MYH4: variants seen among roughly 807,000 people sequenced by gnomAD.
MYH4 encodes the protein myosin heavy chain 4, also known as myosin-4.
MYH4 carries 200 observed loss-of-function variants against 229.9 expected under a neutral mutation model. The observed-to-expected ratio is 0.87, with a 90% CI of 0.78 to 0.98. MYH4 has a LOEUF of 0.98. Among genes scored for constraint, MYH4 ranks in the 50% least tolerant of loss-of-function variants. The probability of loss-of-function intolerance (pLI) is 0.00; values close to 1 mark genes in which losing one functional copy is unlikely to be tolerated. For missense variants in MYH4, 2,148 were observed against 2,332.6 expected (o/e 0.92, Z 1.63); for synonymous variants, 761 against 834.6 (o/e 0.91, Z 1.52).
chr17:10,456,320 T>C (rs1251890634), intron 17 of MYH4, among the ~76,000 whole-genome samples, 165 bp downstream of exon 17: 1 of 152,216 alleles, frequency 6.6e-6, no homozygotes, highest in Non-Finnish European at 1.5e-5. Flanking sequence ...CTAATTTTTT[T>C]TCCTAAGCCA....
Position 10,448,385 on chromosome 17 carries a change from G to T in MYH4, c.4656+11C>A. 1.2e-6 allele frequency: 2 copies of T among 1,605,766 alleles called. No homozygotes were observed. The highest frequency in any genetic ancestry group is 2.3e-5 in the South Asian group (2 of 88,654). ...ATTTATAATGCAGAGCTAAGCAAAT[G>T]AAAAATGTACCTCTGCTTCCTCTAG... On this transcript the variant is annotated intron_variant, in intron 33 of 39. Coordinates refer to ENST00000255381, the MANE Select transcript of MYH4 (RefSeq NM_017533.2).
chr17:10,466,805 A>C, intron 2 of MYH4, 21 bp from the exon 3 acceptor site: 1 of 1,588,096 alleles, frequency 6.3e-7, no homozygotes, highest in Non-Finnish European at 8.6e-7. Flanking sequence ...AAACAGAGCC[A>C]AATGATGATT....
Position 10,463,105 on chromosome 17 carries a change from T to C in MYH4, c.889A>G (p.Lys297Glu). The C allele has an allele frequency of 3.1e-6, 5 of 1,612,382 alleles. No homozygotes were observed. Among genetic ancestry groups the C allele is most frequent in the Non-Finnish European group, 4.2e-6 (5 of 1,178,676 alleles). Residue 297 changes from lysine to glutamate, a missense_variant, in exon 10 of 40, where the codon AAA becomes GAA. Physicochemically the swap from Lys to Glu is moderately conservative, Grantham distance 56. Transcript: ENST00000255381. ...TGTGTCTTACCAATGAGCTCTGGTT[T>C]CTTATTGGACAGGATTTGATAAAAT... Reference protein sequence around the residue: ...HIFYQILSNKKPELIEMLLIT... With the variant: ...HIFYQILSNKEPELIEMLLIT...
chr17:10,454,293 T>A (rs1385746920), intron 22 of MYH4, among the ~76,000 whole-genome samples: 1 of 152,240 alleles, frequency 6.6e-6, no homozygotes, highest in Middle Eastern at 3.2e-3. Context: ...AAGAATAATC[T>A]GATCTGAGAG....
chr17:10,454,531 T>G, intron 22 of MYH4, 24 bp downstream of exon 22: 1 of 1,603,952 alleles, frequency 6.2e-7, no homozygotes, highest in Non-Finnish European at 8.5e-7. Flanking sequence ...AAGATGTGGC[T>G]GAACTGCAAT....
In MYH4 at chr17:10,460,942, TCTTCC is replaced by T; in HGVS notation, c.1116_1120del (p.Glu373AlafsTer11). 6.2e-7 allele frequency: 1 copy of T among 1,614,154 alleles called. No individual in the cohort carries two copies. Among genetic ancestry groups the T allele is most frequent in the Non-Finnish European group, 8.5e-7 (1 of 1,180,010 alleles). ...TTCCGTGCCATCTGGCTCTGCCTGCTCTTCCCTTTGCTTTTGCTTGAATTTCATGT... is the reference window on the plus strand; with the variant it reads ...TTCCGTGCCATCTGGCTCTGCCTGCTCTTTGCTTTTGCTTGAATTTCATGT... On this transcript the variant is annotated frameshift_variant, in exon 12 of 40. Coordinates refer to ENST00000255381, the MANE Select transcript of MYH4 (RefSeq NM_017533.2). LOFTEE classifies it high-confidence loss of function.
At chr17:10,461,375 G>T (rs997844591) in intron 11 of MYH4, among the ~76,000 whole-genome samples, 1 of 151,990 alleles carries the variant, frequency 6.6e-6, no homozygotes, top group African/African-American at 2.4e-5. Context: ...CTCCACCCCA[G>T]CCCCCCTTTG....
At chr17:10,468,834 C>T (rs139944058) in intron 2 of MYH4, among the ~76,000 whole-genome samples, 24 of 152,270 alleles carry the variant, frequency 1.6e-4, no homozygotes, top group Middle Eastern at 3.4e-3. Flanking sequence ...AGTCCTGTTC[C>T]GCTAAATGCA....
At chr17:10,444,180 T>TA (rs1265214118) in intron 39 of MYH4, among the ~76,000 whole-genome samples, 3 of 151,968 alleles carry the variant, frequency 2.0e-5, no homozygotes, top group African/African-American at 7.3e-5. Flanking sequence ...CCAAGAACCC[T>TA]AAGGAAGGTT....
chr17:10,451,383 G>C lies in MYH4; in HGVS notation c.3808C>G (p.Gln1270Glu), dbSNP rs1481121509. The change falls in exon 28 of 40, where the codon CAA becomes GAA. Residue 1270 changes from glutamine (Q) to glutamate (E), a missense_variant. Coordinates refer to ENST00000255381, the MANE Select transcript of MYH4 (RefSeq NM_017533.2). Reference sequence around the variant, plus strand: ...GACAACTCATTTATTAAGCGTTGTTGCTCTTCTTCCTTTGTTTTTATTTCA... The same window carrying C: ...GACAACTCATTTATTAAGCGTTGTTCCTCTTCTTCCTTTGTTTTTATTTCA... Reference protein sequence around the residue: ...LSEIKTKEEEQQRLINELSAQ... With the variant: ...LSEIKTKEEEEQRLINELSAQ... 1.2e-6 allele frequency: 2 copies of C among 1,613,968 alleles called. No homozygotes were observed. The highest frequency in any genetic ancestry group is 1.7e-6 in the Non-Finnish European group (2 of 1,179,952).
intron 2 of MYH4, among the ~76,000 whole-genome samples, chr17:10,468,557 T>C (rs1197704591): frequency 6.6e-6 from 1 of 152,254 alleles, no homozygotes; most frequent in Admixed American, 6.5e-5. Context: ...CTTAACATCA[T>C]ACTAAAAGTA....
At position 10,456,480 on chromosome 17, in the gene MYH4, T is replaced by A; in HGVS notation, c.1968+5A>T. 1.2e-6 allele frequency: 2 copies of A among 1,610,806 alleles called. No individual in the cohort carries two copies. Among genetic ancestry groups the A allele is most frequent in the Non-Finnish European group, 1.7e-6 (2 of 1,177,226 alleles). On this transcript the variant is annotated splice_donor_5th_base_variant and intron_variant, in intron 17 of 39. Transcript: ENST00000255381. ...ATTTATCTGTAATTCAAGAATATAC[T>A]GTACCCTGAAAAGAGCTGACACTGT...
chr17:10,444,179 C>T (rs572709064), intron 39 of MYH4, among the ~76,000 whole-genome samples: 2 of 151,918 alleles, frequency 1.3e-5, no homozygotes, highest in African/African-American at 2.4e-5. Context: ...GCCAAGAACC[C>T]TAAGGAAGGT....
intron 35 of MYH4, 123 bp from the exon 36 acceptor site, chr17:10,445,485 A>G: frequency 4.6e-6 from 6 of 1,290,736 alleles, no homozygotes; most frequent in Non-Finnish European, 6.4e-6. Flanking sequence ...TAAAAACCAA[A>G]TTAGAAGATA....
rs2072626126 is a variant in MYH4, at chr17:10,455,261, C to T, written c.2209G>A (p.Gly737Ser). The T allele has an allele frequency of 3.1e-6, 5 of 1,613,494 alleles. No individual in the cohort carries two copies. The highest frequency in any genetic ancestry group is 1.3e-5 in the African/African-American group (1 of 74,782). The change falls in exon 20 of 40, where the codon GGT becomes AGT. Residue 737 changes from glycine (G) to serine (S), a missense_variant. Coordinates refer to ENST00000255381, the MANE Select transcript of MYH4 (RefSeq NM_017533.2). ...GCCTTCTTGCTGTCAATGAACTGACCCTCTGGGATAGCACTCGCATTTAGA... is the reference window on the plus strand; with the variant it reads ...GCCTTCTTGCTGTCAATGAACTGACTCTCTGGGATAGCACTCGCATTTAGA... ...KVLNASAIPE[G>S]QFIDSKKASE...
In MYH4 at chr17:10,447,145, C is replaced by G. The variant is rs575635168; in HGVS notation, c.5037G>C (p.Glu1679Asp). 10 of 1,614,134 alleles carry G rather than the reference C, an allele frequency of 6.2e-6. 1 individual carries two copies. The African/African-American group carries it at 1.1e-4, about 17-fold the overall frequency. The change falls in exon 35 of 40, where the codon GAG (glutamate) becomes GAC (aspartate). Residue 1679 changes from glutamate (E) to aspartate (D), a missense_variant. By Grantham distance (45) the Glu-to-Asp change is conservative. Transcript: ENST00000255381. ...DDLKEQLAMV[E>D]RRANLMQAEV... Reference sequence around the variant, plus strand: ...CAGCCTGCATCAGGTTAGCTCTGCGCTCAACCATTGCCAGTTGTTCCTTAA... The same window carrying G: ...CAGCCTGCATCAGGTTAGCTCTGCGGTCAACCATTGCCAGTTGTTCCTTAA...
At chr17:10,462,811 T>A in intron 11 of MYH4, 54 bp downstream of exon 11, 1 of 1,390,122 alleles carries the variant, frequency 7.2e-7, no homozygotes, top group Non-Finnish European at 1.0e-6. Context: ...TAGAGGAGAG[T>A]GTTGTACACT....
At chr17:10,444,437 T>C (rs1000435433) in intron 39 of MYH4, among the ~76,000 whole-genome samples, 167 bp downstream of exon 39, 2 of 152,184 alleles carry the variant, frequency 1.3e-5, no homozygotes, top group Non-Finnish European at 2.9e-5. Flanking sequence ...CTCAAATCTA[T>C]AAGGCTCCAG....
rs1360875462 is a variant in MYH4 at position 10,452,406 on chromosome 17, T to C, written c.3348+10A>G. The C allele has an allele frequency of 1.1e-5, 17 of 1,614,174 alleles. No homozygotes were observed. Among genetic ancestry groups the C allele is most frequent in the Non-Finnish European group, 1.4e-5 (17 of 1,180,012 alleles). On this transcript the variant is annotated intron_variant, in intron 26 of 39. Transcript: ENST00000255381. ...TGTAATGCCCAGAAAAGGTGGAGGT[T>C]ATAACTTACCTGTAATTCTTTGATC...
Sources: gnomAD v4.1 joint callset for allele counts (sites outside exome capture counted in the v4.1 genomes callset) on GRCh38, gnomAD v4.1.1 for gene constraint, MANE v1.5 for transcripts, NCBI Gene and HGNC (gene_info 2026-07-23, HGNC 2026-07-21) for gene names.